Variants in SAMD5 observed in about 807,000 individuals in gnomAD.
SAMD5 encodes the protein sterile alpha motif domain containing 5.
In SAMD5, 13 loss-of-function variants were observed where a neutral mutation model predicts 11.3. The ratio of observed to expected loss-of-function variants is 1.15; its 90% CI spans 0.75 to 1.83. The LOEUF (loss-of-function observed/expected upper bound fraction) is 1.83. Among genes scored for constraint, SAMD5 ranks in the 40% most tolerant of loss-of-function variants. The pLI, the probability that SAMD5 is intolerant of heterozygous loss-of-function variation, is 0.00. For missense variants in SAMD5, 255 were observed against 239.1 expected, an observed-to-expected ratio of 1.07 and a Z score of -0.44; for synonymous variants, 129 against 111.3, an observed-to-expected ratio of 1.16 and a Z score of -1.00.
chr6:147,791,739 A>G, the SAMD5 span, among the ~76,000 whole-genome samples: 3 of 152,162 alleles, frequency 2.0e-5, no homozygotes, highest in African/African-American at 7.2e-5. Context: ...TGAGATTTTG[A>G]TCTTTCCAGA....
At chr6:147,626,791 G>GAAAAA (rs529975933) in intron 1 of SAMD5, among the ~76,000 whole-genome samples, 51 of 54,714 alleles carry the variant, frequency 9.3e-4, no homozygotes, top group South Asian at 2.6e-3. Context: ...CTGTTTCTAT[G>GAAAAA]AAAAAAAAAA....
chr6:147,799,428 C>G, the SAMD5 span, among the ~76,000 whole-genome samples: 2 of 151,686 alleles, frequency 1.3e-5, no homozygotes, highest in African/African-American at 4.9e-5. Context: ...GGGTTTCTGC[C>G]GAGAGATCCG....
In SAMD5 at chr6:147,568,927, G is replaced by C. The variant is rs947348125; in HGVS notation, c.*4471G>C. 3.1e-6 allele frequency: 3 copies of C among 980,614 alleles called. No individual in the cohort carries two copies. Among genetic ancestry groups the C allele is most frequent in the African/African-American group, 1.8e-5 (1 of 57,064 alleles). 60.7% of individuals were successfully genotyped at this position (980,614 alleles called of 1,614,324 possible). A position where few individuals can be genotyped will look rare whatever the true frequency, so the allele number is the denominator to read the frequency against. The stretch of plus-strand genomic sequence containing the variant: ...GGCTTAAAGGGAAAAAAAAATGGTA[G>C]GTAGTTCAGAAAAAAATGGCTGGGC... On this transcript the variant is annotated 3_prime_UTR_variant, in exon 2 of 2. Transcript: ENST00000367474.
the SAMD5 span, among the ~76,000 whole-genome samples, chr6:147,882,965 C>T: frequency 1.3e-5 from 2 of 152,162 alleles, no homozygotes; most frequent in African/African-American, 2.4e-5. Flanking sequence ...CTTTCAATTT[C>T]TGTAGTTTAT....
chr6:147,648,568 A>C (rs1043929984), intron 1 of SAMD5, among the ~76,000 whole-genome samples: 1 of 152,226 alleles, frequency 6.6e-6, no homozygotes, highest in Admixed American at 6.5e-5. Context: ...TCCTCCTTTT[A>C]GCTGATGTAC....
intron 1 of SAMD5, among the ~76,000 whole-genome samples, chr6:147,562,026 G>T (rs758952517): frequency 1.3e-5 from 2 of 152,170 alleles, no homozygotes; most frequent in Non-Finnish European, 2.9e-5. Context: ...AGATTGCAAG[G>T]CTGGACTTGT....
intron 1 of SAMD5, among the ~76,000 whole-genome samples, chr6:147,706,481 G>A (rs573708354): frequency 7.0e-4 from 106 of 152,278 alleles, no homozygotes; most frequent in Non-Finnish European, 1.1e-3. Context: ...GACCACCTTG[G>A]CCTGCCAAAG....
the SAMD5 span, among the ~76,000 whole-genome samples, chr6:147,844,113 C>A: frequency 3.3e-5 from 5 of 151,970 alleles, no homozygotes. Flanking sequence ...GGCTAATATC[C>A]AAAATACATA....
chr6:147,764,908 C>T, the SAMD5 span, among the ~76,000 whole-genome samples: 1 of 152,114 alleles, frequency 6.6e-6, no homozygotes, highest in Admixed American at 6.5e-5. Flanking sequence ...TCTTTGTATG[C>T]ACGGTGGTTT....
chr6:147,932,932 A>G, the SAMD5 span, among the ~76,000 whole-genome samples: 1 of 152,174 alleles, frequency 6.6e-6, no homozygotes, highest in African/African-American at 2.4e-5. Context: ...AGTATTTTAA[A>G]CTACACATTA....
chr6:147,918,688 CTTTTTTTTTT>C, the SAMD5 span, among the ~76,000 whole-genome samples: 8 of 99,418 alleles, frequency 8.0e-5, no homozygotes, highest in East Asian at 2.9e-4. Flanking sequence ...CACAAGCATT[CTTTTTTTTTT>C]TTTTTTTTTT....
At chr6:147,867,410 C>G in the SAMD5 span, among the ~76,000 whole-genome samples, 2 of 150,288 alleles carry the variant, frequency 1.3e-5, no homozygotes, top group Non-Finnish European at 2.9e-5. Context: ...TCCTGTGAAA[C>G]CTTGGTGGAA....
chr6:147,935,007 T>A, the SAMD5 span, among the ~76,000 whole-genome samples: 3 of 152,142 alleles, frequency 2.0e-5, no homozygotes, highest in Non-Finnish European at 2.9e-5. Context: ...TAAACATGGA[T>A]GCCAAGGCAG....
chr6:147,651,908 C>G (rs1269289040), intron 1 of SAMD5, among the ~76,000 whole-genome samples: 2 of 152,190 alleles, frequency 1.3e-5, no homozygotes, highest in African/African-American at 4.8e-5. Flanking sequence ...TCCTCCAAGA[C>G]CACACCCAGG....
chr6:147,930,391 A>G, the SAMD5 span, among the ~76,000 whole-genome samples: 3 of 152,250 alleles, frequency 2.0e-5, no homozygotes, highest in East Asian at 3.9e-4. Flanking sequence ...AAGTGTCTTT[A>G]TAGCCACTCC....
the SAMD5 span, among the ~76,000 whole-genome samples, chr6:147,745,942 A>C: frequency 6.6e-6 from 1 of 151,974 alleles, no homozygotes; most frequent in African/African-American, 2.4e-5. Context: ...GGGTTTCACT[A>C]TCTTGGCCAG....
At chr6:147,771,985 C>T in the SAMD5 span, among the ~76,000 whole-genome samples, 1 of 152,130 alleles carries the variant, frequency 6.6e-6, no homozygotes, top group African/African-American at 2.4e-5. Flanking sequence ...GATTTAGACA[C>T]TTGAAAGTTT....
At chr6:147,540,948 T>TG (rs1165954537) in intron 1 of SAMD5, among the ~76,000 whole-genome samples, 1 of 141,116 alleles carries the variant, frequency 7.1e-6, no homozygotes, top group African/African-American at 2.7e-5. Flanking sequence ...TTTTTTTTTT[T>TG]TTTTTTTTTT....
chr6:147,870,246 G>T, the SAMD5 span, among the ~76,000 whole-genome samples: 1 of 151,946 alleles, frequency 6.6e-6, no homozygotes, highest in South Asian at 2.1e-4. Context: ...CTAGCACGGT[G>T]CTGGGAAGAA....
Sources: allele counts gnomAD v4.1 joint callset (sites outside exome capture counted in the v4.1 genomes callset), GRCh38; gene constraint gnomAD v4.1.1; transcripts MANE v1.5; gene names NCBI Gene and HGNC (gene_info 2026-07-23, HGNC 2026-07-21).